Variants in AGBL4 observed in about 807,000 individuals in gnomAD.
AGBL4 encodes cytosolic carboxypeptidase 6.
In AGBL4, 58 loss-of-function variants were observed where a neutral mutation model predicts 66.4. The ratio of observed to expected loss-of-function variants is 0.87; its 90% confidence interval spans 0.71 to 1.09. The LOEUF is 1.09. AGBL4 is among the 50% of genes least tolerant of loss of function. AGBL4 has a pLI of 0.00. For synonymous variants in AGBL4, 234 were observed against 222.9 expected, an observed-to-expected ratio of 1.05 and a Z score of -0.44; for missense variants, 579 against 631.0, an observed-to-expected ratio of 0.92 and a Z score of 0.88.
intron 5 of AGBL4, among the ~76,000 whole-genome samples, chr1:48,951,341 T>C (rs1007806948): frequency 6.6e-6 from 1 of 152,206 alleles, no homozygotes; most frequent in Non-Finnish European, 1.5e-5. Flanking sequence ...ACTAATCACA[T>C]GTGAAGAGAG....
At chr1:49,116,230 T>C (rs1300592628) in intron 4 of AGBL4, among the ~76,000 whole-genome samples, 1 of 152,094 alleles carries the variant, frequency 6.6e-6, no homozygotes, top group South Asian at 2.1e-4. Flanking sequence ...TTAAAATTTT[T>C]TTATTATACT....
chr1:48,986,249 T>G (rs1226104672), intron 5 of AGBL4, among the ~76,000 whole-genome samples: 3 of 152,052 alleles, frequency 2.0e-5, no homozygotes, highest in Non-Finnish European at 4.4e-5. Context: ...AAAAAATGTC[T>G]GTGGAAATAA....
intron 10 of AGBL4, among the ~76,000 whole-genome samples, chr1:48,588,822 G>GAAGAGAAGAGAAGAGAAGAGAAGAGAA (rs1644867608): frequency 6.7e-6 from 1 of 148,736 alleles, no homozygotes; most frequent in African/African-American, 2.5e-5. Flanking sequence ...GAAGAGAAGA[G>GAAGAGAAGAGAAGAGAAGAGAAGAGAA]AAGAGAAGAG....
intron 5 of AGBL4, 45 bp from the exon 6 acceptor site, chr1:48,867,275 C>A (rs1199199581): frequency 6.2e-7 from 1 of 1,605,672 alleles, no homozygotes; most frequent in Non-Finnish European, 8.5e-7. Flanking sequence ...TGAGCCAGAG[C>A]CAAAATTGTG....
intron 8 of AGBL4, among the ~76,000 whole-genome samples, chr1:48,641,172 T>C (rs955403883): frequency 6.6e-6 from 1 of 152,194 alleles, no homozygotes; most frequent in Non-Finnish European, 1.5e-5. Flanking sequence ...AATATTGCTT[T>C]ATTTAATGCC....
intron 11 of AGBL4, among the ~76,000 whole-genome samples, chr1:48,552,227 C>A (rs192426031): frequency 2.0e-4 from 31 of 152,158 alleles, no homozygotes; most frequent in South Asian, 1.9e-3. Flanking sequence ...CCATGCCCGG[C>A]TAATTTTTGT....
At chr1:48,649,529 A>G (rs146839815) in intron 8 of AGBL4, among the ~76,000 whole-genome samples, 31 of 152,338 alleles carry the variant, frequency 2.0e-4, no homozygotes, top group Admixed American at 1.9e-3. Flanking sequence ...CTTACTGTAA[A>G]CCATAGTCTG....
chr1:49,315,415 G>T (rs1645022129), intron 3 of AGBL4, among the ~76,000 whole-genome samples: 1 of 152,054 alleles, frequency 6.6e-6, no homozygotes. Flanking sequence ...AAACTAAAGA[G>T]CTTCTGCACA....
chr1:48,758,812 C>G (rs74724453), intron 6 of AGBL4: 2 of 1,244,540 alleles, frequency 1.6e-6, no homozygotes, highest in Non-Finnish European at 2.2e-6. Context: ...GGCACTTGGT[C>G]TCCCTCTCCC....
At chr1:48,524,798 C>G in the AGBL4 span, among the ~76,000 whole-genome samples, 1 of 151,798 alleles carries the variant, frequency 6.6e-6, no homozygotes, top group East Asian at 1.9e-4. Flanking sequence ...TCAAATACAT[C>G]ATAGTCAATT....
chr1:49,384,314 C>G (rs1342801863), intron 3 of AGBL4, among the ~76,000 whole-genome samples: 1 of 151,920 alleles, frequency 6.6e-6, no homozygotes, highest in African/African-American at 2.4e-5. Context: ...AAATGGGCGG[C>G]TGGGCTCGGT....
chr1:49,709,140 G>A (rs1647435508), intron 2 of AGBL4, among the ~76,000 whole-genome samples: 1 of 152,340 alleles, frequency 6.6e-6, no homozygotes, highest in South Asian at 2.1e-4. Flanking sequence ...GTTTATATCT[G>A]CTGAAGCTGT....
At position 48,590,038 on chromosome 1, in the gene AGBL4, A is replaced by G. The variant is rs534189245; in HGVS notation, c.1104+795T>C. ...TGAAGCAGGTGGATCACTTGAGCCC[A>G]GGAGTTTGAAACCAGCTTTGGCAAC... is the stretch of plus-strand genomic sequence containing the variant. On this transcript the variant is annotated intron_variant, in intron 10 of 13. Coordinates refer to ENST00000371839, the MANE Select transcript of AGBL4 (RefSeq NM_032785.4). Among the ~76,000 whole-genome samples the G allele has an allele frequency of 3.9e-5, 6 of 152,246 alleles. No individual in the cohort carries two copies. In the South Asian group the frequency reaches 1.0e-3, roughly 26 times the overall value.
chr1:49,541,909 G>A (rs1652067442), intron 3 of AGBL4, among the ~76,000 whole-genome samples: 1 of 151,822 alleles, frequency 6.6e-6, no homozygotes, highest in Non-Finnish European at 1.5e-5. Context: ...AGCTAATCTG[G>A]TGGGGACTTG....
intron 9 of AGBL4, among the ~76,000 whole-genome samples, chr1:48,600,900 T>C (rs1645064456): frequency 6.6e-6 from 1 of 152,210 alleles, no homozygotes; most frequent in Non-Finnish European, 1.5e-5. Flanking sequence ...CTGCATCTCC[T>C]AGAGATCCAG....
At chr1:48,637,810 C>A (rs1308988902) in intron 8 of AGBL4, among the ~76,000 whole-genome samples, 5 of 152,146 alleles carry the variant, frequency 3.3e-5, no homozygotes, top group Non-Finnish European at 7.3e-5. Context: ...TGACTGCACC[C>A]CTAATCAGAT....
At chr1:49,232,269 A>C (rs895161911) in intron 4 of AGBL4, among the ~76,000 whole-genome samples, 2 of 152,202 alleles carry the variant, frequency 1.3e-5, no homozygotes, top group Non-Finnish European at 2.9e-5. Context: ...TAAAAGACAG[A>C]AACTTGATCA....
chr1:48,528,753 G>T (rs1050633303), downstream of AGBL4, among the ~76,000 whole-genome samples: 5 of 152,104 alleles, frequency 3.3e-5, no homozygotes, highest in African/African-American at 1.2e-4. Context: ...AATTTCAGCT[G>T]GCAGAGAAGA....
At chr1:49,051,317 T>C (rs1054640316) in intron 4 of AGBL4, among the ~76,000 whole-genome samples, 7 of 121,814 alleles carry the variant, frequency 5.7e-5, no homozygotes, top group African/African-American at 2.8e-4. Flanking sequence ...CTCAATAGCT[T>C]GCTATCCGTT....
Sources: gnomAD v4.1 joint callset for allele counts (sites outside exome capture counted in the v4.1 genomes callset) on GRCh38, gnomAD v4.1.1 for gene constraint, MANE v1.5 for transcripts, NCBI Gene and HGNC (gene_info 2026-07-23, HGNC 2026-07-21) for gene names.